The following PKD1 variants were observed in gnomAD, a reference collection of about 807,000 sequenced individuals.
PKD1 encodes the protein polycystin 1, transient receptor potential channel interacting, also known as polycystin-1.
A neutral mutation model predicts 361.7 loss-of-function variants in PKD1; 81 were observed. The observed-to-expected ratio is 0.22, with a 90% confidence interval of 0.19 to 0.27. The LOEUF (loss-of-function observed/expected upper bound fraction) is 0.27, where lower values mean the gene tolerates loss of function less well. Among genes scored for constraint, PKD1 ranks in the 10% least tolerant of loss-of-function variants. The probability of loss-of-function intolerance (pLI) is 1.00; values close to 1 mark genes in which losing one functional copy is unlikely to be tolerated. For synonymous variants in PKD1, 3,615 were observed against 2,818.3 expected, an observed-to-expected ratio of 1.28 and a Z score of -8.95; for missense variants, 6,399 against 6,118.3, an observed-to-expected ratio of 1.05 and a Z score of -1.53.
chr16:2,121,502 T>A lies in PKD1; in HGVS notation c.216-2124A>T, dbSNP rs2092720494. Among the ~76,000 whole-genome samples, 4 of 151,906 alleles carry A rather than the reference T, an allele frequency of 2.6e-5. No homozygotes were observed. The South Asian group carries it at 8.3e-4, about 32-fold the overall frequency. On this transcript the variant is annotated intron_variant, in intron 1 of 45. Transcript: ENST00000262304. ...ATTGGTCACAGCCGTAGGAAAAACA[T>A]CCCATGTCAGTAGTCAGTGAAGAAA...
chr16:2,113,209 G>A lies in PKD1; in HGVS notation c.2937C>T (p.Asn979=), dbSNP rs755120921. 4.4e-5 allele frequency: 60 copies of A among 1,372,458 alleles called. No individual in the cohort carries two copies. Among genetic ancestry groups the A allele is most frequent in the Admixed American group, 1.0e-4 (6 of 59,134 alleles). The allele number at this position is 1,372,458 out of a possible 1,614,324, so 85.0% of individuals were successfully genotyped here. Residue 979 remains asparagine, a synonymous_variant, in exon 12 of 46, where the codon AAC becomes AAT. Coordinates refer to ENST00000262304, the MANE Select transcript of PKD1 (RefSeq NM_001009944.3). ...INDKQSLTFQ[N]VVFNVIYQSA... ...TCTGATAAATGACATTGAAGACCAC[G>A]TTCTGGAAGGTCAGGGACTGCTTGT...
chr16:2,104,984 G>A (rs1348946762), intron 21 of PKD1, among the ~76,000 whole-genome samples: 2 of 94,952 alleles, frequency 2.1e-5, no homozygotes, highest in Admixed American at 9.5e-5. Flanking sequence ...GAGGGGAGGA[G>A]GGGAAGGGCT....
At chr16:2,122,021 G>C (rs1463815102) in intron 1 of PKD1, among the ~76,000 whole-genome samples, 1 of 152,264 alleles carries the variant, frequency 6.6e-6, no homozygotes, top group East Asian at 1.9e-4. Flanking sequence ...AGCCTACCCG[G>C]CGCAGGAGAG....
At position 2,089,212 on chromosome 16, in the gene PKD1, G is replaced by A. The variant is rs183979118; in HGVS notation, c.*515C>T. On this transcript the variant is annotated 3_prime_UTR_variant, in exon 46 of 46. Transcript: ENST00000262304. ...GTGTTGGGGGAGGCCAGCTCTGGGC[G>A]CAGGCCCCTCAGCCCTAGTGAAAAT... is the stretch of plus-strand genomic sequence containing the variant. 1.0e-3 allele frequency: 179 copies of A among 174,430 alleles called. No individual in the cohort carries two copies. The highest frequency in any genetic ancestry group is 3.5e-3 in the African/African-American group (149 of 42,020). 10.8% of individuals were successfully genotyped at this position (174,430 alleles called of 1,614,324 possible).
rs377419559 is a variant in PKD1, at chr16:2,091,607, G to A, written c.11538-10C>T. On this transcript the variant is annotated splice_polypyrimidine_tract_variant and intron_variant, in intron 41 of 45. Coordinates refer to ENST00000262304, the MANE Select transcript of PKD1 (RefSeq NM_001009944.3). Reference sequence around the variant, plus strand: ...GAACACAGCGCGGCTCCTGCGCAGAGGGTGCGGGTCAGTAGGAGCGGGTGG... The same window carrying A: ...GAACACAGCGCGGCTCCTGCGCAGAAGGTGCGGGTCAGTAGGAGCGGGTGG... The A allele has an allele frequency of 1.2e-5, 18 of 1,561,070 alleles. No individual in the cohort carries two copies. In the African/African-American group the frequency reaches 1.2e-4, roughly 11 times the overall value.
At chr16:2,127,865 C>G (rs1335188400) in intron 1 of PKD1, among the ~76,000 whole-genome samples, 2 of 145,234 alleles carry the variant, frequency 1.4e-5, no homozygotes, top group Non-Finnish European at 3.0e-5. Context: ...TGAAACTGAA[C>G]AGGAAACTAG....
At chr16:2,116,267 G>A (rs1339559367) in intron 8 of PKD1, 149 bp from the exon 9 acceptor site, 30 of 832,976 alleles carry the variant, frequency 3.6e-5, no homozygotes, top group Non-Finnish European at 9.8e-6. Flanking sequence ...TCGAGAGGAA[G>A]ACTCCGGTGG....
chr16:2,119,979 A>G, intron 1 of PKD1: 1 of 596,970 alleles, frequency 1.7e-6, no homozygotes, highest in Non-Finnish European at 3.0e-6. Context: ...GTGGGAGCTG[A>G]GACGGAAGGA....
rs771227962 is a variant in PKD1, at chr16:2,090,898, G to C, written c.11989C>G (p.Leu3997Val). 2 of 1,600,568 alleles carry C rather than the reference G, an allele frequency of 1.2e-6. No homozygotes were observed. The highest frequency in any genetic ancestry group is 1.3e-5 in the African/African-American group (1 of 75,008). ...ARGLAASLLF[L>V]LLVKAAQQLR... ...CCAGCCCTCACCTTGACCAAAAGCA[G>C]GAAGAGCAGCGAGGCCGCCAGGCCA... Residue 3997 changes from leucine (L) to valine (V), a missense_variant, in exon 43 of 46, where the codon CTG becomes GTG. Coordinates refer to ENST00000262304, the MANE Select transcript of PKD1 (RefSeq NM_001009944.3).
chr16:2,093,793 C>A lies in PKD1; in HGVS notation c.10821+18G>T, dbSNP rs747450383. On this transcript the variant is annotated intron_variant, in intron 36 of 45. Coordinates refer to ENST00000262304, the MANE Select transcript of PKD1 (RefSeq NM_001009944.3). ...CCCGTGATGGAGGCCTGTAGCCTAC[C>A]CCTGGCAGCCCCCTCACCTTCAGTG... 45 of 1,553,778 alleles carry A rather than the reference C, an allele frequency of 2.9e-5. No individual in the cohort carries two copies. In the Admixed American group the frequency reaches 8.5e-4, roughly 29 times the overall value.
In PKD1 at chr16:2,108,716, C is replaced by A. The variant is rs772303276; in HGVS notation, c.6451G>T (p.Val2151Leu). ...ACCTGCAGGGGCAGGACCACGTCCA[C>A]CTCCGGCTCCCGGCAGGCCAGCACC... is the stretch of plus-strand genomic sequence containing the variant. ...VQVLACREPE[V>L]DVVLPLQVLM... is the part of the protein sequence containing the mutation. The change falls in exon 15 of 46, where the codon GTG becomes TTG. Residue 2151 changes from valine (V) to leucine (L), a missense_variant. Val to Leu is a conservative substitution (Grantham distance 32, BLOSUM62 1). Transcript: ENST00000262304. The A allele has an allele frequency of 2.5e-6, 4 of 1,570,452 alleles. No homozygotes were observed. Among genetic ancestry groups the A allele is most frequent in the East Asian group, 2.4e-5 (1 of 42,386 alleles).
chr16:2,120,113 G>A (rs2092696722), intron 1 of PKD1: 1 of 549,978 alleles, frequency 1.8e-6, no homozygotes, highest in South Asian at 2.3e-5. Context: ...GGGAGGTAGA[G>A]GAGAGAAAAA....
At chr16:2,134,001 G>A (rs1044623424) in intron 1 of PKD1, among the ~76,000 whole-genome samples, 4 of 147,982 alleles carry the variant, frequency 2.7e-5, no homozygotes, top group African/African-American at 7.8e-5. Context: ...GACACCATCA[G>A]GTGCTGGGAA....
Position 2,089,599 on chromosome 16 carries a change from C to G in PKD1, c.*128G>C. The G allele has an allele frequency of 8.5e-7, 1 of 1,172,524 alleles. No homozygotes were observed. Among genetic ancestry groups the G allele is most frequent in the Non-Finnish European group, 1.2e-6 (1 of 824,332 alleles). The allele number at this position is 1,172,524 out of a possible 1,614,324, so 72.6% of individuals were successfully genotyped here. A position where few individuals can be genotyped will look rare whatever the true frequency, so the allele number is the denominator to read the frequency against. ...GCTGAAGCCCACAGACAGACAGATG[C>G]CCCTGCCTGCTCTCTGGGGAACCTA... On this transcript the variant is annotated 3_prime_UTR_variant, in exon 46 of 46. Transcript: ENST00000262304.
In PKD1 at chr16:2,089,701, C is replaced by G; in HGVS notation, c.*26G>C. The G allele has an allele frequency of 6.4e-7, 1 of 1,557,816 alleles. No individual in the cohort carries two copies. The highest frequency in any genetic ancestry group is 8.7e-7 in the Non-Finnish European group (1 of 1,151,962). On this transcript the variant is annotated 3_prime_UTR_variant, in exon 46 of 46. Coordinates refer to ENST00000262304, the MANE Select transcript of PKD1 (RefSeq NM_001009944.3). ...CTGAGCGGTGTCCACTCCGACTCCA[C>G]GGCCCACCCCCGCCAGGAAGGAGGA...
chr16:2,135,172 T>G (rs2151857698), intron 1 of PKD1: 1 of 970,588 alleles, frequency 1.0e-6, no homozygotes, highest in South Asian at 4.8e-5. Context: ...GCATCCCAAT[T>G]CCTCTCCAAT....
At chr16:2,104,695 C>T (rs1216097537) in intron 21 of PKD1, 53 bp from the exon 22 acceptor site, 11 of 1,057,602 alleles carry the variant, frequency 1.0e-5, no homozygotes, top group East Asian at 5.1e-5. Context: ...TCCTTGCACA[C>T]GCCCTCCTCT....
chr16:2,131,731 G>C (rs2092883123), intron 1 of PKD1: 1 of 152,098 alleles, frequency 6.6e-6, no homozygotes, highest in Non-Finnish European at 1.5e-5. Context: ...GCTGAGGCAG[G>C]AGAATCGCTT....
At chr16:2,133,721 C>A (rs1037581547) in intron 1 of PKD1, among the ~76,000 whole-genome samples, 5 of 151,346 alleles carry the variant, frequency 3.3e-5, no homozygotes, top group African/African-American at 1.2e-4. Context: ...CAGAACAGCA[C>A]CCACCTGCCC....
Sources: allele counts gnomAD v4.1 joint callset (sites outside exome capture counted in the v4.1 genomes callset), GRCh38; gene constraint gnomAD v4.1.1; transcripts MANE v1.5; gene names NCBI Gene and HGNC (gene_info 2026-07-23, HGNC 2026-07-21).